Variants in CYBB observed in about 807,000 individuals in gnomAD.
The protein encoded by CYBB is NADPH oxidase 2.
Under a neutral mutation model 46.5 loss-of-function variants are expected in CYBB, and 5 were observed. The ratio of observed to expected loss-of-function variants is 0.11; its 90% CI spans 0.06 to 0.23. The LOEUF (loss-of-function observed/expected upper bound fraction) is 0.23. CYBB is among the 10% of genes least tolerant of loss of function. The pLI is 1.00. For synonymous variants in CYBB, 183 were observed against 156.7 expected, an observed-to-expected ratio of 1.17 and a Z score of -1.26; for missense variants, 307 against 428.3, an observed-to-expected ratio of 0.72 and a Z score of 2.50.
chrX:37,799,788 C>G (rs942112281), intron 7 of CYBB, among the ~76,000 whole-genome samples: 1 of 111,688 alleles, frequency 9.0e-6, no homozygotes, highest in Admixed American at 9.5e-5. Flanking sequence ...ATCATTTTCC[C>G]CATTGGCAGA....
At chrX:37,806,163 G>A (rs1929556471) in intron 10 of CYBB, among the ~76,000 whole-genome samples, 1 of 111,659 alleles carries the variant, frequency 9.0e-6, no homozygotes, top group Non-Finnish European at 1.9e-5. Flanking sequence ...CTTAAGTTGT[G>A]TATTTCTGAG....
In CYBB at chrX:37,798,998, A is replaced by G; in HGVS notation, c.718A>G (p.Asn240Asp). ...GQTAESLAVHNITVCEQKISE... is the reference protein window; with the variant it reads ...GQTAESLAVHDITVCEQKISE... ...GACCGCAGAGAGTTTGGCTGTGCAT[A>G]ATATAACAGTTTGTGAACAAAAAAT... Residue 240 changes from asparagine (N) to aspartate (D), a missense_variant, in exon 7 of 13, where the codon AAT becomes GAT. Asn to Asp is a conservative substitution (Grantham distance 23, BLOSUM62 1). Coordinates refer to ENST00000378588, the MANE Select transcript of CYBB (RefSeq NM_000397.4). 1.7e-6 allele frequency: 2 copies of G among 1,208,359 alleles called. No homozygotes were observed. Among genetic ancestry groups the G allele is most frequent in the Non-Finnish European group, 2.2e-6 (2 of 892,811 alleles).
At position 37,796,972 on chromosome X, in the gene CYBB, T is replaced by C. The variant is rs181602152; in HGVS notation, c.674+831T>C. Among the ~76,000 whole-genome samples the C allele has an allele frequency of 2.9e-3, 319 of 111,523 alleles. 2 individuals are homozygous for C. The highest frequency in any genetic ancestry group is 3.9e-3 in the Non-Finnish European group (208 of 53,020). On this transcript the variant is annotated intron_variant, in intron 6 of 12. Transcript: ENST00000378588. ...TTGCCTGATTGGAGATCCTCTTTCA[T>C]ACCAAGTTTCCTTTTTTGTGCAGTT...
intron 6 of CYBB, chrX:37,798,338 A>G (rs1259778262): frequency 8.5e-6 from 1 of 117,184 alleles, no homozygotes; most frequent in East Asian, 2.6e-4. Flanking sequence ...ATTAGTGTTG[A>G]TGTCTGTGAG....
chrX:37,792,750 G>A (rs1355607531), intron 4 of CYBB, among the ~76,000 whole-genome samples: 5 of 110,838 alleles, frequency 4.5e-5, no homozygotes, highest in African/African-American at 1.6e-4. Context: ...TCTGTTCCTA[G>A]CCTGAGTAAA....
At position 37,812,580 on chromosome X, in the gene CYBB, A is replaced by G. The variant is rs1415496024; in HGVS notation, c.*1663A>G. The G allele has an allele frequency of 8.9e-6, 1 of 111,972 alleles. No homozygotes were observed. The highest frequency in any genetic ancestry group is 1.9e-5 in the Non-Finnish European group (1 of 53,186). The allele number at this position is 111,972 out of a possible 1,213,427, so 9.2% of individuals were successfully genotyped here. Reference sequence around the variant, plus strand: ...TACACATATTGATGTTGTTTTGATTATCTATGGTATTGAATCTTTTAAAAT... The same window carrying G: ...TACACATATTGATGTTGTTTTGATTGTCTATGGTATTGAATCTTTTAAAAT... On this transcript the variant is annotated 3_prime_UTR_variant, in exon 13 of 13. Transcript: ENST00000378588.
At position 37,794,263 on chromosome X, in the gene CYBB, A is replaced by T. The variant is rs183366808; in HGVS notation, c.483+453A>T. ...AGATGGTTTGGGGGAGGATTTAAGAATGCAAGGATTTTCTCTGGATCAGTT... is the reference window on the plus strand; with the variant it reads ...AGATGGTTTGGGGGAGGATTTAAGATTGCAAGGATTTTCTCTGGATCAGTT... On this transcript the variant is annotated intron_variant, in intron 5 of 12. Transcript: ENST00000378588. Among the ~76,000 whole-genome samples the T allele has an allele frequency of 2.6e-3, 288 of 112,023 alleles. 2 individuals carry two copies. Among genetic ancestry groups the T allele is most frequent in the Non-Finnish European group, 4.6e-3 (242 of 53,115 alleles).
At chrX:37,810,597 T>A (rs1375858970) in intron 12 of CYBB, among the ~76,000 whole-genome samples, 194 bp from the exon 13 acceptor site, 1 of 112,122 alleles carries the variant, frequency 8.9e-6, no homozygotes, top group African/African-American at 3.2e-5. Flanking sequence ...CCTTTTGAAC[T>A]ATCCAGATGC....
chrX:37,803,041 G>A (rs1398383583), intron 8 of CYBB, among the ~76,000 whole-genome samples: 2 of 111,867 alleles, frequency 1.8e-5, no homozygotes, highest in Non-Finnish European at 3.8e-5. Flanking sequence ...ACGTGTGTAC[G>A]TAGACAGATG....
chrX:37,780,247 C>T, intron 1 of CYBB, 125 bp downstream of exon 1: 2 of 560,781 alleles, frequency 3.6e-6, no homozygotes, highest in South Asian at 2.7e-5. Flanking sequence ...CCATGTGAAC[C>T]TATATCTATC....
chrX:37,809,127 C>T (rs1377106573), intron 11 of CYBB, among the ~76,000 whole-genome samples: 1 of 112,000 alleles, frequency 8.9e-6, no homozygotes, highest in Non-Finnish European at 1.9e-5. Context: ...GCATTTTAGT[C>T]TAAAATTGTT....
rs1163767047 is a variant in CYBB, at chrX:37,813,334, C to G, written c.*2417C>G. 1.9e-5 allele frequency: 2 copies of G among 107,357 alleles called. No homozygotes were observed. The highest frequency in any genetic ancestry group is 6.9e-5 in the African/African-American group (2 of 29,135). 8.8% of individuals were successfully genotyped at this position (107,357 alleles called of 1,213,427 possible). A position where few individuals can be genotyped will look rare whatever the true frequency, so the allele number is the denominator to read the frequency against. On this transcript the variant is annotated 3_prime_UTR_variant, in exon 13 of 13. Transcript: ENST00000378588. ...GTTTTTCTTAGTTCTTCTGCTTTTG[C>G]AATTGTGTTTGTGAAATTTGAATAC...
intron 3 of CYBB, among the ~76,000 whole-genome samples, chrX:37,789,114 C>T (rs1172579143): frequency 9.0e-6 from 1 of 111,239 alleles, no homozygotes; most frequent in Non-Finnish European, 1.9e-5. Context: ...CCTAGATGTT[C>T]CTGCATTCCC....
Position 37,795,931 on chromosome X carries a change from TG to T in CYBB, c.484-19del. The T allele has an allele frequency of 1.9e-6, 2 of 1,056,945 alleles. No individual in the cohort carries two copies. Among genetic ancestry groups the T allele is most frequent in the Non-Finnish European group, 1.3e-6 (1 of 759,755 alleles). The allele number at this position is 1,056,945 out of a possible 1,213,427, so 87.1% of individuals were successfully genotyped here. ...GTGTGTGTGTGTGTGTGTGTGTGTG[TG>T]TGTGTTTATATTTTACAGAACCCTG... On this transcript the variant is annotated intron_variant, in intron 5 of 12. Coordinates refer to ENST00000378588, the MANE Select transcript of CYBB (RefSeq NM_000397.4).
Position 37,788,696 on chromosome X carries a change from G to A in CYBB, c.253-3279G>A, listed in dbSNP as rs1929129419. On this transcript the variant is annotated intron_variant, in intron 3 of 12. Transcript: ENST00000378588. ...GGTGGGAGGACTGGGACCCAACATA[G>A]GTATATCTGAAGACAAAACTTGCTC... 2.7e-5 allele frequency among the ~76,000 whole-genome samples: 3 copies of A among 111,111 alleles called. No individual in the cohort carries two copies. In the Admixed American group the frequency reaches 2.9e-4, roughly 11 times the overall value.
At chrX:37,803,728 A>G (rs1274892380) in intron 8 of CYBB, 149 bp from the exon 9 acceptor site, 13 of 560,879 alleles carry the variant, frequency 2.3e-5, no homozygotes, top group Non-Finnish European at 4.0e-5. Context: ...ATTCCCTGTG[A>G]CAGACACATC....
In CYBB at chrX:37,801,263, A is replaced by C. The variant is rs1157274812; in HGVS notation, c.812A>C (p.Lys271Thr). 1.8e-5 allele frequency: 22 copies of C among 1,200,739 alleles called. No individual in the cohort carries two copies. Among genetic ancestry groups the C allele is most frequent in the Non-Finnish European group, 2.4e-5 (21 of 887,039 alleles). The change falls in exon 8 of 13, where the codon AAA becomes ACA. Residue 271 changes from lysine to threonine, a missense_variant. Around this residue, in one of 3 missense-constraint regions of CYBB, gnomAD observed 82 missense variants for 69.9 expected, o/e 1.17. Transcript: ENST00000378588. ...QFAGNPPMTW[K>T]WIVGPMFLYL... ...TTTTTGCTCTGATTACAGACTTGGAAATGGATAGTGGGTCCCATGTTTCTG... is the reference window on the plus strand; with the variant it reads ...TTTTTGCTCTGATTACAGACTTGGACATGGATAGTGGGTCCCATGTTTCTG...
chrX:37,799,780 C>A (rs1556469399), intron 7 of CYBB, among the ~76,000 whole-genome samples: 1 of 111,736 alleles, frequency 8.9e-6, no homozygotes, highest in African/African-American at 3.3e-5. Context: ...ATCTTCATAT[C>A]ATTTTCCCCA....
chrX:37,805,070 T>A lies in CYBB; in HGVS notation c.1216T>A (p.Leu406Ile). ...TGTGTTCAGCTATGAGGTGGTGATG[T>A]TAGTGGGAGCAGGGATTGGGGTCAC... ...EDVFSYEVVM[L>I]VGAGIGVTPF... is the part of the protein sequence containing the mutation. Residue 406 changes from leucine (L) to isoleucine (I), a missense_variant, in exon 10 of 13, where the codon TTA (leucine) becomes ATA (isoleucine). Leu to Ile is a conservative substitution (Grantham distance 5). Coordinates refer to ENST00000378588, the MANE Select transcript of CYBB (RefSeq NM_000397.4). 6.6e-6 allele frequency: 8 copies of A among 1,211,136 alleles called. No homozygotes were observed. Among genetic ancestry groups the A allele is most frequent in the Middle Eastern group, 4.6e-4 (2 of 4,352 alleles).
Sources: allele counts gnomAD v4.1 joint callset (sites outside exome capture counted in the v4.1 genomes callset), GRCh38; gene constraint gnomAD v4.1.1; regional missense constraint gnomAD v4.1.1; transcripts MANE v1.5; gene names NCBI Gene and HGNC (gene_info 2026-07-23, HGNC 2026-07-21).